The following SEMA6D variants were observed in gnomAD, a reference collection of about 807,000 sequenced individuals.
SEMA6D encodes the protein semaphorin-6D.
In SEMA6D, 35 loss-of-function variants were observed where a neutral mutation model predicts 106.6. That is an observed-to-expected ratio of 0.33 (90% CI 0.25 to 0.44). SEMA6D has a LOEUF of 0.44. Among genes scored for constraint, SEMA6D ranks in the 20% least tolerant of loss-of-function variants. The pLI, the probability that SEMA6D is intolerant of heterozygous loss-of-function variation, is 1.00. For missense variants in SEMA6D, 1,185 were observed against 1,345.9 expected (o/e 0.88, Z 1.87); for synonymous variants, 499 against 487.7 (o/e 1.02, Z -0.31).
chr15:47,762,886 A>G (rs545263562), intron 8 of SEMA6D, 130 bp from the exon 9 acceptor site: 9 of 656,144 alleles, frequency 1.4e-5, no homozygotes, highest in African/African-American at 1.1e-4. Flanking sequence ...CCTCAAAGTC[A>G]TTGGCAGATT....
intron 1 of SEMA6D, among the ~76,000 whole-genome samples, chr15:47,289,997 G>C (rs2035531045): frequency 6.6e-6 from 1 of 151,928 alleles, no homozygotes; most frequent in South Asian, 2.1e-4. Context: ...GAGTGGTTCA[G>C]TAATCTTAAA....
intron 4 of SEMA6D, among the ~76,000 whole-genome samples, chr15:47,683,780 G>A (rs1482691463): frequency 6.6e-6 from 1 of 152,212 alleles, no homozygotes; most frequent in Non-Finnish European, 1.5e-5. Flanking sequence ...TTCCCTGGGA[G>A]TCCAGGCATT....
intron 1 of SEMA6D, among the ~76,000 whole-genome samples, chr15:47,214,946 C>A (rs1211590314): frequency 6.6e-6 from 1 of 151,784 alleles, no homozygotes; most frequent in Non-Finnish European, 1.5e-5. Flanking sequence ...TTTGTTCTTT[C>A]TTTGCTGACA....
chr15:47,222,016 C>G (rs191645022), intron 1 of SEMA6D, among the ~76,000 whole-genome samples: 1 of 152,072 alleles, frequency 6.6e-6, no homozygotes, highest in African/African-American at 2.4e-5. Context: ...CACACACACA[C>G]GCACAGACAC....
At chr15:47,237,981 G>A (rs749406433) in intron 1 of SEMA6D, among the ~76,000 whole-genome samples, 1 of 152,116 alleles carries the variant, frequency 6.6e-6, no homozygotes, top group East Asian at 1.9e-4. Flanking sequence ...CGGTTACAGG[G>A]AATTGTGGGA....
chr15:47,185,325 C>T (rs1389077717), intron 1 of SEMA6D, among the ~76,000 whole-genome samples: 2 of 152,144 alleles, frequency 1.3e-5, no homozygotes, highest in Non-Finnish European at 2.9e-5. Flanking sequence ...GACTCTAATT[C>T]ACAGAGACAG....
At chr15:47,593,394 A>G (rs984809357) in intron 3 of SEMA6D, among the ~76,000 whole-genome samples, 2 of 118,646 alleles carry the variant, frequency 1.7e-5, no homozygotes, top group African/African-American at 6.6e-5. Context: ...CGACAGAGCG[A>G]AACTCCGTCT....
At chr15:47,420,449 C>T (rs1402587138) in intron 2 of SEMA6D, among the ~76,000 whole-genome samples, 1 of 151,968 alleles carries the variant, frequency 6.6e-6, no homozygotes, top group Non-Finnish European at 1.5e-5. Flanking sequence ...AATGTATGTC[C>T]ATTGCCTCCA....
intron 3 of SEMA6D, among the ~76,000 whole-genome samples, chr15:47,559,464 A>G (rs1334908343): frequency 6.6e-6 from 1 of 152,096 alleles, no homozygotes; most frequent in African/African-American, 2.4e-5. Flanking sequence ...TTCTTAGCTC[A>G]TGAAAACAAA....
rs562181937 is a variant in SEMA6D at position 47,673,150 on chromosome 15, G to A, written c.-55+72254G>A. 7.2e-4 allele frequency among the ~76,000 whole-genome samples: 109 copies of A among 151,848 alleles called. 2 individuals carry two copies. In the South Asian group the frequency reaches 0.016, roughly 23 times the overall value. The stretch of plus-strand genomic sequence containing the variant: ...AAGGCCAGCTATCCACTTGAGCCAC[G>A]TCCCTACAATTACTCCTTGCAAAGG... On this transcript the variant is annotated intron_variant, in intron 4 of 19. Coordinates refer to the SEMA6D transcript ENST00000558014.
chr15:47,719,673 A>G (rs774504092), intron 1 of SEMA6D, among the ~76,000 whole-genome samples: 1 of 152,190 alleles, frequency 6.6e-6, no homozygotes, highest in African/African-American at 2.4e-5. Context: ...GAAAATTTTC[A>G]AGGTTTCTTC....
Position 47,763,996 on chromosome 15 carries a change from G to T in SEMA6D, c.894G>T (p.Gln298His). 1 of 1,613,930 alleles carries T rather than the reference G, an allele frequency of 6.2e-7. No individual in the cohort carries two copies. Among genetic ancestry groups the T allele is most frequent in the Non-Finnish European group, 8.5e-7 (1 of 1,179,882 alleles). The change falls in exon 10 of 19, where the codon CAG becomes CAT. Residue 298 changes from glutamine (Q) to histidine (H), a missense_variant. Gln to His is a conservative substitution (Grantham distance 24). Around this residue, in one of 3 missense-constraint regions of SEMA6D, gnomAD observed 291 missense variants for 423.8 expected, o/e 0.69. Transcript: ENST00000536845. Reference sequence around the variant, plus strand: ...CGTTTTTCTACTTTGATGTTCTGCAGTCTATTACAGACATAATACAAATCA... The same window carrying T: ...CGTTTTTCTACTTTGATGTTCTGCATTCTATTACAGACATAATACAAATCA... Reference protein sequence around the residue: ...GDSFFYFDVLQSITDIIQING... With the variant: ...GDSFFYFDVLHSITDIIQING...
chr15:47,259,812 G>C (rs904884575), intron 1 of SEMA6D, among the ~76,000 whole-genome samples: 8 of 151,902 alleles, frequency 5.3e-5, no homozygotes, highest in African/African-American at 1.9e-4. Context: ...GATGATATGA[G>C]TGTTGGATTT....
intron 1 of SEMA6D, among the ~76,000 whole-genome samples, chr15:47,191,091 C>G (rs1272297385): frequency 1.3e-5 from 2 of 152,044 alleles, no homozygotes; most frequent in Non-Finnish European, 2.9e-5. Flanking sequence ...GAGGAACTCT[C>G]TAGGCCTGGG....
intron 4 of SEMA6D, among the ~76,000 whole-genome samples, chr15:47,637,219 G>T (rs1442209287): frequency 6.6e-6 from 1 of 152,174 alleles, no homozygotes; most frequent in Non-Finnish European, 1.5e-5. Flanking sequence ...CGCTCCAGGA[G>T]ACCTCAACTT....
chr15:47,332,809 A>G (rs1736471939), intron 1 of SEMA6D, among the ~76,000 whole-genome samples: 1 of 152,180 alleles, frequency 6.6e-6, no homozygotes, highest in African/African-American at 2.4e-5. Flanking sequence ...TTAAGACCCT[A>G]AATGGGAGGG....
At chr15:47,321,141 A>G (rs1279260541) in intron 1 of SEMA6D, among the ~76,000 whole-genome samples, 3 of 152,198 alleles carry the variant, frequency 2.0e-5, no homozygotes, top group Non-Finnish European at 4.4e-5. Flanking sequence ...AAATATATAT[A>G]TGTACATCCC....
chr15:47,488,239 T>C (rs889866715), intron 3 of SEMA6D, among the ~76,000 whole-genome samples: 5 of 152,174 alleles, frequency 3.3e-5, no homozygotes, highest in Non-Finnish European at 7.3e-5. Context: ...AAAAACCCTT[T>C]CTTTCTCTCA....
At position 47,767,049 on chromosome 15, in the gene SEMA6D, C is replaced by CT. The variant is rs1437002338; in HGVS notation, c.1723dup (p.Ser575PhefsTer15). On this transcript the variant is annotated frameshift_variant, in exon 17 of 19. Coordinates refer to ENST00000536845, the MANE Select transcript of SEMA6D (RefSeq NM_001358351.3). LOFTEE classifies it high-confidence loss of function. ...TTAATTCTTTTAGAAATTTTGCCTA[C>CT]TTCAACTACACCAGATTACAAAATA... 1 of 1,563,406 alleles carries CT rather than the reference C, an allele frequency of 6.4e-7. No homozygotes were observed. Among genetic ancestry groups the CT allele is most frequent in the South Asian group, 1.2e-5 (1 of 80,958 alleles).
Sources: gnomAD v4.1 joint callset for allele counts (sites outside exome capture counted in the v4.1 genomes callset) on GRCh38, gnomAD v4.1.1 for gene constraint, gnomAD v4.1.1 regional missense constraint, MANE v1.5 for transcripts, NCBI Gene and HGNC (gene_info 2026-07-23, HGNC 2026-07-21) for gene names.